Variants in DDX41 observed in about 807,000 individuals in gnomAD.
DDX41 encodes DEAD-box helicase 41.
Under a neutral mutation model 78.8 loss-of-function variants are expected in DDX41, and 50 were observed. The ratio of observed to expected loss-of-function variants is 0.63; its 90% CI spans 0.51 to 0.80. The LOEUF (loss-of-function observed/expected upper bound fraction) is 0.80, where lower values mean the gene tolerates loss of function less well. Ranked by LOEUF, DDX41 falls within the 30% of genes least tolerant of loss-of-function variation. The pLI is 0.00. For synonymous variants in DDX41, 381 were observed against 321.5 expected, an observed-to-expected ratio of 1.19 and a Z score of -1.98; for missense variants, 633 against 849.2, an observed-to-expected ratio of 0.75 and a Z score of 3.16.
In DDX41 at chr5:177,513,053, C is replaced by T; in HGVS notation, c.1260G>A (p.Lys420=). ...QEVEYVKEEA[K]MVYLLECLQK... ...GCAGGCACTCGAGCAGGTACACCAT[C>T]TTGGCCTCCTCCTTCACATATTCTA... Residue 420 remains lysine, a synonymous_variant, in exon 12 of 17, where the codon AAG becomes AAA. Transcript: ENST00000330503. The surrounding 1 kb of genome is among the most constrained non-coding windows in gnomAD (Gnocchi z 4.6). The T allele has an allele frequency of 5.0e-6, 8 of 1,614,014 alleles. No individual in the cohort carries two copies. Among genetic ancestry groups the T allele is most frequent in the South Asian group, 1.1e-5 (1 of 91,084 alleles).
chr5:177,512,280 G>T (rs1354310528), intron 15 of DDX41, 42 bp downstream of exon 15: 1 of 1,613,978 alleles, frequency 6.2e-7, no homozygotes, highest in South Asian at 1.1e-5. Context: ...CACAGGCAGG[G>T]GACCCAGGGA....
rs749923024 is a variant in DDX41 at position 177,514,968 on chromosome 5, C to T, written c.746G>A (p.Arg249Lys). 9.3e-6 allele frequency: 15 copies of T among 1,613,478 alleles called. No individual in the cohort carries two copies. In the East Asian group the frequency reaches 2.2e-4, roughly 24 times the overall value. The change falls in exon 8 of 17, where the codon AGG (arginine) becomes AAG (lysine). Residue 249 changes from arginine (R) to lysine (K), a missense_variant. By Grantham distance (26) the Arg-to-Lys change is conservative (BLOSUM62 2). This residue lies in a region of DDX41 where 151 missense variants were observed against 169.2 expected (regional missense o/e 0.89). Transcript: ENST00000330503. The surrounding 1 kb of genome is among the most constrained non-coding windows in gnomAD (Gnocchi z 4.2). ...VIMFCLEQEK[R>K]LPFSKREGPY... ...CCCCTCGCGCTTTGAGAAGGGTAACCTCTTCTCTTGTTCCAGGCAGAACAT... is the reference window on the plus strand; with the variant it reads ...CCCCTCGCGCTTTGAGAAGGGTAACTTCTTCTCTTGTTCCAGGCAGAACAT...
In DDX41 at chr5:177,511,787, C is replaced by T. The variant is rs753706477; in HGVS notation, c.*4G>A. 1.8e-5 allele frequency: 29 copies of T among 1,613,748 alleles called. No homozygotes were observed. The highest frequency in any genetic ancestry group is 1.2e-4 in the Admixed American group (7 of 59,992). On this transcript the variant is annotated 3_prime_UTR_variant, in exon 17 of 17. Coordinates refer to ENST00000330503, the MANE Select transcript of DDX41 (RefSeq NM_016222.4). ...CCTCTTGGAGAGAAGGGAAGACTGT[C>T]GGCTCAGAAGTCCATGGAGCTGTGG...
chr5:177,512,241 C>G, intron 15 of DDX41, 35 bp from the exon 16 acceptor site: 1 of 1,613,634 alleles, frequency 6.2e-7, no homozygotes, highest in South Asian at 1.1e-5. Context: ...AGGGCCCATC[C>G]TGGGCTCTGT....
Position 177,514,047 on chromosome 5 carries a change from C to T in DDX41, c.936-200G>A, listed in dbSNP as rs961371312. 2.1e-4 allele frequency: 146 copies of T among 697,666 alleles called. 1 individual carries two copies. The highest frequency in any genetic ancestry group is 1.1e-4 in the East Asian group (4 of 36,524). 43.2% of individuals were successfully genotyped at this position (697,666 alleles called of 1,614,324 possible). On this transcript the variant is annotated intron_variant, in intron 9 of 16. Coordinates refer to ENST00000330503, the MANE Select transcript of DDX41 (RefSeq NM_016222.4). This position sits in a 1 kb window ranked among gnomAD's most constrained non-coding sequence, Gnocchi z 4.2. ...CACTGCAGCCATCTTCACCACCGCT[C>T]GGCCTGGCGCGCCTTCCCCCTTCTC...
chr5:177,516,379 T>C lies in DDX41; in HGVS notation c.207A>G (p.Glu69=). 1 of 1,612,560 alleles carries C rather than the reference T, an allele frequency of 6.2e-7. No individual in the cohort carries two copies. ...GGATGTCGTCCTCATCTCCCCGGGG[T>C]TCACTACCGCTGTCCTGCTGCTCTT... ...AEEEQQDSGS[E]PRGDEDDIPL... is the part of the protein sequence containing the mutation. The change falls in exon 3 of 17, where the codon GAA becomes GAG. Residue 69 remains glutamate, a synonymous_variant. Coordinates refer to ENST00000330503, the MANE Select transcript of DDX41 (RefSeq NM_016222.4).
rs776844261 is a variant in DDX41, at chr5:177,515,761, C to T, written c.495G>A (p.Lys165=). Residue 165 remains lysine (K), a synonymous_variant, in exon 6 of 17, where the codon AAG becomes AAA. Transcript: ENST00000330503. ...CTCCCTCCACCAGGATGTGGTATTT[C>T]TTCCGCACGCGCTCATGTCGCTCTT... is the stretch of plus-strand genomic sequence containing the variant. ...MSEERHERVR[K]KYHILVEGDG... is the part of the protein sequence containing the mutation. The T allele has an allele frequency of 3.7e-6, 6 of 1,614,050 alleles. No individual in the cohort carries two copies. The African/African-American group carries it at 6.7e-5, about 18-fold the overall frequency.
In DDX41 at chr5:177,516,105, G is replaced by A. The variant is rs372167690; in HGVS notation, c.373+14C>T. Reference sequence around the variant, plus strand: ...ACTCAGTCCACCTTCTCACTATCCTGGCTACAACCATACCTCGGCCCTCGG... The same window carrying A: ...ACTCAGTCCACCTTCTCACTATCCTAGCTACAACCATACCTCGGCCCTCGG... On this transcript the variant is annotated intron_variant, in intron 4 of 16. Transcript: ENST00000330503. 1 of 1,613,986 alleles carries A rather than the reference G, an allele frequency of 6.2e-7. No homozygotes were observed. The highest frequency in any genetic ancestry group is 1.7e-5 in the Admixed American group (1 of 60,020).
Position 177,514,674 on chromosome 5 carries a change from TG to T in DDX41, c.935+26del, listed in dbSNP as rs746651006. 119 of 1,596,246 alleles carry T rather than the reference TG, an allele frequency of 7.5e-5. No individual in the cohort carries two copies. Among genetic ancestry groups the T allele is most frequent in the Non-Finnish European group, 8.9e-5 (104 of 1,169,918 alleles). On this transcript the variant is annotated intron_variant, in intron 9 of 16. Coordinates refer to ENST00000330503, the MANE Select transcript of DDX41 (RefSeq NM_016222.4). The surrounding 1 kb of genome is among the most constrained non-coding windows in gnomAD (Gnocchi z 4.2). ...TCCACAGACTCGCAGGTGGCAGAGGTGGGGGGCAGGGAGCGCCAGCACTCAC... is the reference window on the plus strand; with the variant it reads ...TCCACAGACTCGCAGGTGGCAGAGGTGGGGGCAGGGAGCGCCAGCACTCAC...
Position 177,514,820 on chromosome 5 carries a change from C to T in DDX41, c.816G>A (p.Gln272=). 6.2e-7 allele frequency: 1 copy of T among 1,612,120 alleles called. No individual in the cohort carries two copies. The highest frequency in any genetic ancestry group is 8.5e-7 in the Non-Finnish European group (1 of 1,179,290). The stretch of plus-strand genomic sequence containing the variant: ...AGTAGTACTCCAGGATGCCATGGGT[C>T]TGCCGGGCCAGCTCCCGCTGCAGGC... ...IICPSRELAR[Q]THGILEYYCR... is the part of the protein sequence containing the mutation. Residue 272 remains glutamine (Q), a synonymous_variant, in exon 9 of 17, where the codon CAG becomes CAA. Coordinates refer to ENST00000330503, the MANE Select transcript of DDX41 (RefSeq NM_016222.4). This position sits in a 1 kb window ranked among gnomAD's most constrained non-coding sequence, Gnocchi z 4.2.
chr5:177,513,924 C>A lies in DDX41; in HGVS notation c.936-77G>T. 7.1e-7 allele frequency: 1 copy of A among 1,402,962 alleles called. No homozygotes were observed. The highest frequency in any genetic ancestry group is 1.0e-6 in the Non-Finnish European group (1 of 1,000,280). The allele number at this position is 1,402,962 out of a possible 1,614,324, so 86.9% of individuals were successfully genotyped here. A position where few individuals can be genotyped will look rare whatever the true frequency, so the allele number is the denominator to read the frequency against. On this transcript the variant is annotated intron_variant, in intron 9 of 16. Coordinates refer to ENST00000330503, the MANE Select transcript of DDX41 (RefSeq NM_016222.4). The surrounding 1 kb of genome is among the most constrained non-coding windows in gnomAD (Gnocchi z 4.6). ...CTAGAGGCAAGCAGGCACCCTGCAT[C>A]TGCTCTGCTCTCTGTCCTCCTTCCT...
rs372991865 is a variant in DDX41 at position 177,511,770 on chromosome 5, A to G, written c.*21T>C. 1.1e-4 allele frequency: 173 copies of G among 1,613,394 alleles called. No individual in the cohort carries two copies. The highest frequency in any genetic ancestry group is 1.3e-4 in the Non-Finnish European group (149 of 1,179,612). ...AGTCTTGGGGACTGAGGCCTCTTGG[A>G]GAGAAGGGAAGACTGTCGGCTCAGA... On this transcript the variant is annotated 3_prime_UTR_variant, in exon 17 of 17. Transcript: ENST00000330503.
chr5:177,512,176 A>G lies in DDX41; in HGVS notation c.1652T>C (p.Leu551Pro). The G allele has an allele frequency of 6.2e-7, 1 of 1,613,716 alleles. No homozygotes were observed. The highest frequency in any genetic ancestry group is 1.1e-5 in the South Asian group (1 of 91,082). Residue 551 changes from leucine (L) to proline (P), a missense_variant, in exon 16 of 17, where the codon CTG becomes CCG. Leu to Pro is a moderately conservative substitution (Grantham distance 98). Around this residue, in one of 6 missense-constraint regions of DDX41, gnomAD observed 185 missense variants for 367.4 expected, o/e 0.50. Transcript: ENST00000330503. ...DESVLMDLKA[L>P]LLEAKQKVPP... is the part of the protein sequence containing the mutation. ...CACCTTCTGCTTGGCTTCTAGCAGC[A>G]GCGCTTTGAGGTCCATCAGCACTGA...
In DDX41 at chr5:177,513,628, T is replaced by C. The variant is rs868845276; in HGVS notation, c.1098+57A>G. 5 of 1,606,198 alleles carry C rather than the reference T, an allele frequency of 3.1e-6. No individual in the cohort carries two copies. In the Middle Eastern group the frequency reaches 6.6e-4, roughly 213 times the overall value. ...CCAGGGGCATGGGGTCCCTGCAGTC[T>C]GATGTGGCGTGCAGTGGGGGGCGGT... is the stretch of plus-strand genomic sequence containing the variant. On this transcript the variant is annotated intron_variant, in intron 10 of 16. Transcript: ENST00000330503. The surrounding 1 kb of genome is among the most constrained non-coding windows in gnomAD (Gnocchi z 4.6).
chr5:177,516,368 T>A lies in DDX41; in HGVS notation c.218A>T (p.Asp73Val). Residue 73 changes from aspartate (D) to valine (V), a missense_variant, in exon 3 of 17, where the codon GAT (aspartate) becomes GTT (valine). Transcript: ENST00000330503. ...AGGGCCTAGCGGGATGTCGTCCTCA[T>A]CTCCCCGGGGTTCACTACCGCTGTC... ...QQDSGSEPRG[D>V]EDDIPLGPQS... 6.2e-7 allele frequency: 1 copy of A among 1,614,054 alleles called. No individual in the cohort carries two copies. The highest frequency in any genetic ancestry group is 1.1e-5 in the South Asian group (1 of 91,084).
Position 177,514,717 on chromosome 5 carries a change from T to A in DDX41, c.919A>T (p.Met307Leu). 1 of 1,612,078 alleles carries A rather than the reference T, an allele frequency of 6.2e-7. No individual in the cohort carries two copies. The highest frequency in any genetic ancestry group is 8.5e-7 in the Non-Finnish European group (1 of 1,179,430). The change falls in exon 9 of 17, where the codon ATG (methionine) becomes TTG (leucine). Residue 307 changes from methionine (M) to leucine (L), a missense_variant. By Grantham distance (15) the Met-to-Leu change is conservative. Coordinates refer to ENST00000330503, the MANE Select transcript of DDX41 (RefSeq NM_016222.4). This position sits in a 1 kb window ranked among gnomAD's most constrained non-coding sequence, Gnocchi z 4.2. ...CIGGMSVKEQMETIRHGVHMM... is the reference protein window; with the variant it reads ...CIGGMSVKEQLETIRHGVHMM... ...AGCACTCACTGTCGGATGGTCTCCA[T>A]CTGCTCTTTCACGGACATGCCCCCA...
rs766913824 is a variant in DDX41 at position 177,515,192 on chromosome 5, G to T, written c.638C>A (p.Pro213His). ...HPTPIQIQGIPTILSGRDMIG... is the reference protein window; with the variant it reads ...HPTPIQIQGIHTILSGRDMIG... Reference sequence around the variant, plus strand: ...GTCCACAGTCCACACTCACATGGTGGGGATGCCCTGGATCTGAATGGGTGT... The same window carrying T: ...GTCCACAGTCCACACTCACATGGTGTGGATGCCCTGGATCTGAATGGGTGT... Residue 213 changes from proline to histidine, a missense_variant, in exon 7 of 17, where the codon CCC becomes CAC. By Grantham distance (77) the Pro-to-His change is moderately conservative. This residue lies in a region of DDX41 where 126 missense variants were observed against 115.5 expected (regional missense o/e 1.09). Transcript: ENST00000330503. The T allele has an allele frequency of 6.2e-7, 1 of 1,613,938 alleles. No homozygotes were observed. The highest frequency in any genetic ancestry group is 8.5e-7 in the Non-Finnish European group (1 of 1,180,022).
intron 13 of DDX41, 65 bp from the exon 14 acceptor site, chr5:177,512,710 G>A: frequency 1.2e-6 from 2 of 1,612,974 alleles, no homozygotes; most frequent in South Asian, 1.1e-5. Flanking sequence ...GGCCAACCAG[G>A]CAGGGGAAGG....
Position 177,511,771 on chromosome 5 carries a change from G to T in DDX41, c.*20C>A. ...GTCTTGGGGACTGAGGCCTCTTGGAGAGAAGGGAAGACTGTCGGCTCAGAA... is the reference window on the plus strand; with the variant it reads ...GTCTTGGGGACTGAGGCCTCTTGGATAGAAGGGAAGACTGTCGGCTCAGAA... On this transcript the variant is annotated 3_prime_UTR_variant, in exon 17 of 17. Coordinates refer to ENST00000330503, the MANE Select transcript of DDX41 (RefSeq NM_016222.4). 1 of 1,613,668 alleles carries T rather than the reference G, an allele frequency of 6.2e-7. No individual in the cohort carries two copies. The highest frequency in any genetic ancestry group is 8.5e-7 in the Non-Finnish European group (1 of 1,179,678).
Sources: gnomAD v4.1 joint callset for allele counts on GRCh38, gnomAD v4.1.1 for gene constraint, gnomAD v4.1.1 regional missense constraint, Gnocchi (gnomAD v3.1) non-coding constraint, MANE v1.5 for transcripts, NCBI Gene and HGNC (gene_info 2026-07-23, HGNC 2026-07-21) for gene names.